Variants in SRSF10 observed in about 807,000 individuals in gnomAD.
SRSF10 encodes serine/arginine-rich splicing factor 10.
A neutral mutation model predicts 32.6 loss-of-function variants in SRSF10; 9 were observed. That is an observed-to-expected ratio of 0.28 (90% confidence interval 0.17 to 0.48). The LOEUF is 0.48. Ranked by LOEUF, SRSF10 falls within the 20% of genes least tolerant of loss-of-function variation. The pLI is 0.99. For missense variants in SRSF10, 201 were observed against 331.8 expected (o/e 0.61, Z 3.06); for synonymous variants, 105 against 112.4 (o/e 0.93, Z 0.42).
intron 1 of SRSF10, 40 bp downstream of exon 1, chr1:23,980,151 G>T: frequency 6.6e-7 from 1 of 1,526,208 alleles, no homozygotes. Flanking sequence ...GGCGCCTGCG[G>T]CCTCCCCGCC....
chr1:23,970,269 T>C lies in SRSF10; in HGVS notation c.*873A>G. On this transcript the variant is annotated 3_prime_UTR_variant, in exon 6 of 6. Transcript: ENST00000492112. ...CTCCATGTTTCAGTCAAAAACTCAA[T>C]TTCCCAGCTGGCATCATTCCCCAAG... 5.1e-6 allele frequency: 5 copies of C among 985,286 alleles called. No homozygotes were observed. The highest frequency in any genetic ancestry group is 6.0e-6 in the Non-Finnish European group (5 of 829,896). The allele number at this position is 985,286 out of a possible 1,614,324, so 61.0% of individuals were successfully genotyped here. A position where few individuals can be genotyped will look rare whatever the true frequency, so the allele number is the denominator to read the frequency against.
rs1641557423 is a variant in SRSF10, at chr1:23,968,302, T to G, written c.*2840A>C. Among the ~76,000 whole-genome samples the G allele has an allele frequency of 6.6e-6, 1 of 152,070 alleles. No homozygotes were observed. Among genetic ancestry groups the G allele is most frequent in the Non-Finnish European group, 1.5e-5 (1 of 67,988 alleles). On this transcript the variant is annotated 3_prime_UTR_variant, in exon 6 of 6. Transcript: ENST00000492112. ...ACACAAGTAAAAATAAAAATGAAAT[T>G]AGGCCTTCTAGTTCTATACAGAAAA... is the stretch of plus-strand genomic sequence containing the variant.
intron 2 of SRSF10, chr1:23,977,869 A>T: frequency 2.6e-6 from 2 of 755,780 alleles, no homozygotes; most frequent in East Asian, 2.7e-4. Flanking sequence ...CTTACAAAAC[A>T]TTAAAAAAAA....
chr1:23,975,257 A>C, intron 2 of SRSF10, 180 bp from the exon 3 acceptor site: 1 of 563,390 alleles, frequency 1.8e-6, no homozygotes, highest in Non-Finnish European at 3.2e-6. Context: ...CTATAAAAGC[A>C]CTTGTGATTT....
chr1:23,978,171 G>A, intron 2 of SRSF10: 1 of 985,254 alleles, frequency 1.0e-6, no homozygotes, highest in Non-Finnish European at 1.2e-6. Context: ...TGATCCTTAA[G>A]AGGTCTTTGG....
chr1:23,980,324 C>T lies in SRSF10; in HGVS notation c.-69G>A. ...ACCGTCCGCGGCTCAGGCGGCCGAGCCTCAGACACACACAGCTAGAGGGCT... is the reference window on the plus strand; with the variant it reads ...ACCGTCCGCGGCTCAGGCGGCCGAGTCTCAGACACACACAGCTAGAGGGCT... On this transcript the variant is annotated 5_prime_UTR_variant, in exon 1 of 6. Coordinates refer to ENST00000492112, the MANE Select transcript of SRSF10 (RefSeq NM_054016.4). The T allele has an allele frequency of 7.4e-7, 1 of 1,356,948 alleles. No individual in the cohort carries two copies. Among genetic ancestry groups the T allele is most frequent in the Non-Finnish European group, 9.6e-7 (1 of 1,041,288 alleles). The allele number at this position is 1,356,948 out of a possible 1,614,324, so 84.1% of individuals were successfully genotyped here.
At position 23,964,399 on chromosome 1, in the gene SRSF10, T is replaced by C. The variant is rs1182993109; in HGVS notation, c.*6743A>G. Among the ~76,000 whole-genome samples the C allele has an allele frequency of 7.5e-6, 1 of 134,136 alleles. No homozygotes were observed. Among genetic ancestry groups the C allele is most frequent in the African/African-American group, 3.2e-5 (1 of 31,536 alleles). 88.0% of individuals were successfully genotyped at this position (134,136 alleles called of 152,430 possible). A position where few individuals can be genotyped will look rare whatever the true frequency, so the allele number is the denominator to read the frequency against. Reference sequence around the variant, plus strand: ...CCTATATAGAGAATGGTGATAGGAATTTCCCAAGTCGATGCAATTGCGAGA... The same window carrying C: ...CCTATATAGAGAATGGTGATAGGAACTTCCCAAGTCGATGCAATTGCGAGA... On this transcript the variant is annotated 3_prime_UTR_variant, in exon 6 of 6. Coordinates refer to ENST00000492112, the MANE Select transcript of SRSF10 (RefSeq NM_054016.4).
At chr1:23,975,923 G>A (rs1416783328) in intron 2 of SRSF10, 3 of 152,208 alleles carry the variant, frequency 2.0e-5, no homozygotes, top group Non-Finnish European at 2.9e-5. Context: ...ACTGGTACTT[G>A]TTTTTGATCT....
In SRSF10 at chr1:23,980,166, C is replaced by T. The variant is rs536407768; in HGVS notation, c.65+25G>A. On this transcript the variant is annotated intron_variant, in intron 1 of 5. Transcript: ENST00000492112. Reference sequence around the variant, plus strand: ...GGCGCCTGCGGCCTCCCCGCCTAGGCCCGGAGTACCTGCCTTGTACCTACC... The same window carrying T: ...GGCGCCTGCGGCCTCCCCGCCTAGGTCCGGAGTACCTGCCTTGTACCTACC... The T allele has an allele frequency of 2.6e-4, 392 of 1,532,340 alleles. 4 individuals carry two copies. The South Asian group carries it at 4.4e-3, about 17-fold the overall frequency. The allele number at this position is 1,532,340 out of a possible 1,614,324, so 94.9% of individuals were successfully genotyped here. A position where few individuals can be genotyped will look rare whatever the true frequency, so the allele number is the denominator to read the frequency against.
chr1:23,970,146 T>A lies in SRSF10; in HGVS notation c.*996A>T. On this transcript the variant is annotated 3_prime_UTR_variant, in exon 6 of 6. Transcript: ENST00000492112. ...TAAGAATATTCCTTTTTCCTTAAAA[T>A]TATTTTTGCCATCAACGACCTGCTC... The A allele has an allele frequency of 1.0e-6, 1 of 985,400 alleles. No homozygotes were observed. Among genetic ancestry groups the A allele is most frequent in the Non-Finnish European group, 1.2e-6 (1 of 829,910 alleles). The allele number at this position is 985,400 out of a possible 1,614,324, so 61.0% of individuals were successfully genotyped here. A position where few individuals can be genotyped will look rare whatever the true frequency, so the allele number is the denominator to read the frequency against.
At position 23,978,835 on chromosome 1, in the gene SRSF10, G is replaced by T; in HGVS notation, c.66-18C>A. ...CTTCAGACCTAAAACATCATAAAAA[G>T]ACCTCAAATTTTTATGTCCAAGTCC... On this transcript the variant is annotated intron_variant, in intron 1 of 5. Transcript: ENST00000492112. The T allele has an allele frequency of 2.5e-6, 4 of 1,590,954 alleles. No homozygotes were observed. Among genetic ancestry groups the T allele is most frequent in the Non-Finnish European group, 2.6e-6 (3 of 1,167,370 alleles).
At position 23,971,024 on chromosome 1, in the gene SRSF10, G is replaced by A. The variant is rs1265507733; in HGVS notation, c.*118C>T. On this transcript the variant is annotated 3_prime_UTR_variant, in exon 6 of 6. Coordinates refer to ENST00000492112, the MANE Select transcript of SRSF10 (RefSeq NM_054016.4). ...TAATTATAACCATTGCCTGGTACAG[G>A]GAAAACTAACAAGTGTTTTTTAAGC... is the stretch of plus-strand genomic sequence containing the variant. 2 of 1,497,346 alleles carry A rather than the reference G, an allele frequency of 1.3e-6. No individual in the cohort carries two copies. Among genetic ancestry groups the A allele is most frequent in the African/African-American group, 2.8e-5 (2 of 71,200 alleles). 92.8% of individuals were successfully genotyped at this position (1,497,346 alleles called of 1,614,324 possible). A position where few individuals can be genotyped will look rare whatever the true frequency, so the allele number is the denominator to read the frequency against.
Position 23,967,628 on chromosome 1 carries a change from G to T in SRSF10, c.*3514C>A. 2 of 1,302,046 alleles carry T rather than the reference G, an allele frequency of 1.5e-6. No individual in the cohort carries two copies. The highest frequency in any genetic ancestry group is 2.2e-6 in the Non-Finnish European group (2 of 897,668). 80.7% of individuals were successfully genotyped at this position (1,302,046 alleles called of 1,614,324 possible). ...AGCACCTTCCACCCACCCTTTGGTC[G>T]CTTGAACTGCCCTTCTTTGGTTCTT... On this transcript the variant is annotated 3_prime_UTR_variant, in exon 6 of 6. Coordinates refer to ENST00000492112, the MANE Select transcript of SRSF10 (RefSeq NM_054016.4).
intron 2 of SRSF10, 102 bp downstream of exon 2, chr1:23,978,611 T>C (rs1642227319): frequency 7.2e-7 from 1 of 1,391,002 alleles, no homozygotes; most frequent in African/African-American, 1.4e-5. Context: ...CAGACATTTA[T>C]TAGAGGACAA....
At chr1:23,979,026 G>A in intron 1 of SRSF10, 1 of 203,672 alleles carries the variant, frequency 4.9e-6, no homozygotes, top group African/African-American at 2.4e-5. Context: ...TTCATAAAAG[G>A]TACAGCAGCA....
chr1:23,968,025 T>G lies in SRSF10; in HGVS notation c.*3117A>C. ...GAGAGGTGAAGTGTGTCAGCCCTCA[T>G]TTGAGTGTTGATATAACCATTCTAT... On this transcript the variant is annotated 3_prime_UTR_variant, in exon 6 of 6. Coordinates refer to ENST00000492112, the MANE Select transcript of SRSF10 (RefSeq NM_054016.4). 1 of 1,533,440 alleles carries G rather than the reference T, an allele frequency of 6.5e-7. No homozygotes were observed. Among genetic ancestry groups the G allele is most frequent in the Non-Finnish European group, 8.7e-7 (1 of 1,145,146 alleles). The allele number at this position is 1,533,440 out of a possible 1,614,324, so 95.0% of individuals were successfully genotyped here.
chr1:23,971,458 G>T lies in SRSF10; in HGVS notation c.492-19C>A. 3.1e-6 allele frequency: 5 copies of T among 1,594,520 alleles called. No individual in the cohort carries two copies. The highest frequency in any genetic ancestry group is 4.3e-6 in the Non-Finnish European group (5 of 1,174,020). ...TTTGAATCTTTCAAAACAGAGGAGA[G>T]ATATAATTAGAGTAAAAATTAGATT... On this transcript the variant is annotated intron_variant, in intron 5 of 5. Transcript: ENST00000492112.
chr1:23,971,161 G>C lies in SRSF10; in HGVS notation c.770C>G (p.Pro257Arg), dbSNP rs1641733511. 1.5e-5 allele frequency: 24 copies of C among 1,612,488 alleles called. No individual in the cohort carries two copies. The highest frequency in any genetic ancestry group is 1.7e-5 in the Non-Finnish European group (20 of 1,179,450). Residue 257 changes from proline (P) to arginine (R), a missense_variant, in exon 6 of 6, where the codon CCT (proline) becomes CGT (arginine). By Grantham distance (103) the Pro-to-Arg change is moderately radical (BLOSUM62 -2). Coordinates refer to ENST00000492112, the MANE Select transcript of SRSF10 (RefSeq NM_054016.4). ...ATACTATCAGTGGCCACTGGACTTA[G>C]GACTAGTCCAAGACCTTGATCTAGA... ...SKSRSRSWTSPKSSGH is the reference protein window; with the variant it reads ...SKSRSRSWTSRKSSGH
Position 23,969,578 on chromosome 1 carries a change from G to T in SRSF10, c.*1564C>A. On this transcript the variant is annotated 3_prime_UTR_variant, in exon 6 of 6. Coordinates refer to ENST00000492112, the MANE Select transcript of SRSF10 (RefSeq NM_054016.4). ...ATTGAAAAAAGTAATCCTCTAAAAG[G>T]AATCGTTTGTCCATAATTCGTACTT... The T allele has an allele frequency of 2.0e-6, 2 of 985,114 alleles. No individual in the cohort carries two copies. Among genetic ancestry groups the T allele is most frequent in the Non-Finnish European group, 2.4e-6 (2 of 829,696 alleles). 61.0% of individuals were successfully genotyped at this position (985,114 alleles called of 1,614,324 possible). A position where few individuals can be genotyped will look rare whatever the true frequency, so the allele number is the denominator to read the frequency against.
Sources: allele counts gnomAD v4.1 joint callset (sites outside exome capture counted in the v4.1 genomes callset), GRCh38; gene constraint gnomAD v4.1.1; transcripts MANE v1.5; gene names NCBI Gene and HGNC (gene_info 2026-07-23, HGNC 2026-07-21).